Variants in SCN1A observed in about 807,000 individuals in gnomAD.
SCN1A encodes sodium voltage-gated channel alpha subunit 1.
Under a neutral mutation model 193.7 loss-of-function variants are expected in SCN1A, and 13 were observed. That is an observed-to-expected ratio of 0.07 (90% CI 0.04 to 0.11). The LOEUF (loss-of-function observed/expected upper bound fraction) is 0.11. SCN1A is among the 10% of genes least tolerant of loss of function. The pLI, the probability that SCN1A is intolerant of heterozygous loss-of-function variation, is 1.00. For missense variants in SCN1A, 1,432 were observed against 2,451.1 expected, an observed-to-expected ratio of 0.58 and a Z score of 8.78; for synonymous variants, 781 against 843.6, an observed-to-expected ratio of 0.93 and a Z score of 1.29.
intron 1 of SCN1A, among the ~76,000 whole-genome samples, chr2:166,147,059 C>T (rs6714313): frequency 0.81 from 122,855 of 152,110 alleles, 50,226 homozygotes; most frequent in African/African-American, 0.94. Context: ...GAAAGGCTTA[C>T]ACAAACACAG....
At chr2:166,033,378 C>T (rs1695886418) in intron 19 of SCN1A, among the ~76,000 whole-genome samples, 1 of 152,132 alleles carries the variant, frequency 6.6e-6, no homozygotes, top group Non-Finnish European at 1.5e-5. Context: ...TTTACCAGGA[C>T]TTCTCCCTCT....
At chr2:166,143,889 G>T (rs1444028130) in intron 1 of SCN1A, among the ~76,000 whole-genome samples, 1 of 152,182 alleles carries the variant, frequency 6.6e-6, no homozygotes, top group Non-Finnish European at 1.5e-5. Context: ...TAAGACTAAA[G>T]AGGGAAGTGA....
chr2:166,026,239 T>A (rs1027648272), intron 19 of SCN1A, among the ~76,000 whole-genome samples: 6 of 152,176 alleles, frequency 3.9e-5, no homozygotes, highest in Admixed American at 6.5e-5. Flanking sequence ...ATCTATTTTT[T>A]AAAATATTTT....
Position 166,073,489 on chromosome 2 carries a change from C to T in SCN1A, c.133G>A (p.Asp45Asn), listed in dbSNP as rs531894715. 5.6e-6 allele frequency: 9 copies of T among 1,614,004 alleles called. No individual in the cohort carries two copies. Among genetic ancestry groups the T allele is most frequent in the African/African-American group, 1.3e-5 (1 of 74,916 alleles). The change falls in exon 4 of 29, where the codon GAC becomes AAC. Residue 45 changes from aspartate to asparagine, a missense_variant. Asp to Asn is a conservative substitution (Grantham distance 23). This residue lies in a region of SCN1A where 55 missense variants were observed against 58.4 expected (regional missense o/e 0.94). Transcript: ENST00000674923. ...CTATTTGGCTTTGGGCCATTTTCGT[C>T]GTCATCTTTTTTGTCTGGTTTGGGA... ...KNPKPDKKDD[D>N]ENGPKPNSDL...
chr2:166,134,556 T>C (rs1158748312), intron 1 of SCN1A, among the ~76,000 whole-genome samples: 1 of 152,154 alleles, frequency 6.6e-6, no homozygotes, highest in Non-Finnish European at 1.5e-5. Flanking sequence ...GGTTCTTAAA[T>C]ATTAACCACA....
intron 22 of SCN1A, 40 bp from the exon 23 acceptor site, chr2:166,009,881 A>G: frequency 3.8e-6 from 6 of 1,589,328 alleles, no homozygotes; most frequent in Non-Finnish European, 5.2e-6. Flanking sequence ...AAACAGAATC[A>G]TCATTCAATG....
At chr2:166,089,439 A>G (rs1223908367) in intron 2 of SCN1A, among the ~76,000 whole-genome samples, 2 of 152,106 alleles carry the variant, frequency 1.3e-5, no homozygotes, top group East Asian at 3.9e-4. Flanking sequence ...TTAAAAGACA[A>G]GTATCTCTGG....
At chr2:166,029,602 G>T (rs7595154) in intron 19 of SCN1A, among the ~76,000 whole-genome samples, 112,207 of 152,050 alleles carry the variant, frequency 0.74, 41,781 homozygotes, top group East Asian at 0.89. Flanking sequence ...GCAACAAGTA[G>T]ATTTAAAATG....
chr2:166,039,468 T>A lies in SCN1A; in HGVS notation c.2544A>T (p.Gly848=), dbSNP rs1343457352. 1 of 1,612,458 alleles carries A rather than the reference T, an allele frequency of 6.2e-7. No homozygotes were observed. The highest frequency in any genetic ancestry group is 8.5e-7 in the Non-Finnish European group (1 of 1,179,762). ...FIVTLSLVEL[G]LANVEGLSVL... ...CAGATAATCCTTCCACATTGGCGAGTCCAAGTTCTACCAGGCTAAGCGTCA... is the reference window on the plus strand; with the variant it reads ...CAGATAATCCTTCCACATTGGCGAGACCAAGTTCTACCAGGCTAAGCGTCA... The change falls in exon 17 of 29, where the codon GGA becomes GGT. Residue 848 remains glycine, a synonymous_variant. Transcript: ENST00000674923.
chr2:166,099,930 A>C (rs1365693925), intron 2 of SCN1A, among the ~76,000 whole-genome samples: 1 of 118,102 alleles, frequency 8.5e-6, no homozygotes, highest in East Asian at 2.4e-4. Flanking sequence ...GAAAATGGCC[A>C]TACTGCCCAA....
rs1199637921 is a variant in SCN1A at position 166,036,519 on chromosome 2, G to C, written c.2958C>G (p.Leu986=). The C allele has an allele frequency of 6.2e-7, 1 of 1,613,580 alleles. No individual in the cohort carries two copies. Among genetic ancestry groups the C allele is most frequent in the Non-Finnish European group, 8.5e-7 (1 of 1,179,756 alleles). ...ATGAGCTCAGAAGCAAGGCCAGAAA[G>C]AGATTCAGGACCTTAAAAACAACAA... ...MVIGNLVVLN[L]FLALLLSSFS... is the part of the protein sequence containing the mutation. Residue 986 remains leucine, a synonymous_variant, in exon 19 of 29, where the codon CTC becomes CTG. Transcript: ENST00000674923.
At chr2:166,062,564 G>T (rs2105933764) in intron 4 of SCN1A, among the ~76,000 whole-genome samples, 1 of 152,216 alleles carries the variant, frequency 6.6e-6, no homozygotes, top group African/African-American at 2.4e-5. Context: ...GGAGGGAAGA[G>T]TCTGAAGGAA....
rs376749580 is a variant in SCN1A, at chr2:166,026,845, G to A, written c.3429+9203C>T. On this transcript the variant is annotated intron_variant, in intron 19 of 28. Transcript: ENST00000674923. ...ACTACAGGTGCCCACCACTGCACCC[G>A]GCTAATTTTTTGTATTTTTAGTAGA... 1.8e-4 allele frequency among the ~76,000 whole-genome samples: 27 copies of A among 151,582 alleles called. No homozygotes were observed. The East Asian group carries it at 3.7e-3, about 21-fold the overall frequency.
chr2:166,055,908 C>G (rs969677177), intron 6 of SCN1A, among the ~76,000 whole-genome samples: 13 of 151,940 alleles, frequency 8.6e-5, no homozygotes, highest in African/African-American at 3.1e-4. Context: ...GTTCTACAAC[C>G]CTGAAACTTT....
intron 1 of SCN1A, among the ~76,000 whole-genome samples, chr2:166,145,933 GGA>G (rs1468496857): frequency 6.6e-6 from 1 of 152,086 alleles, no homozygotes; most frequent in Non-Finnish European, 1.5e-5. Context: ...AGAAAAATTT[GGA>G]GTGTTCAGAT....
intron 11 of SCN1A, among the ~76,000 whole-genome samples, chr2:166,047,302 CTT>C (rs1307685116): frequency 6.6e-6 from 1 of 152,032 alleles, no homozygotes; most frequent in Non-Finnish European, 1.5e-5. Flanking sequence ...TCTATATCTG[CTT>C]TTTCATTTTC....
At chr2:166,066,429 A>G (rs1683849963) in intron 4 of SCN1A, among the ~76,000 whole-genome samples, 1 of 152,144 alleles carries the variant, frequency 6.6e-6, no homozygotes, top group Non-Finnish European at 1.5e-5. Context: ...TTATACTAAT[A>G]CCAATCTTAG....
At chr2:166,008,628 A>G (rs1378548441) in intron 23 of SCN1A, among the ~76,000 whole-genome samples, 2 of 151,148 alleles carry the variant, frequency 1.3e-5, no homozygotes, top group Admixed American at 6.6e-5. Flanking sequence ...AAGTTTTCAT[A>G]TATGTTAGGG....
At chr2:166,090,926 C>T (rs1020701932) in intron 2 of SCN1A, among the ~76,000 whole-genome samples, 3 of 152,140 alleles carry the variant, frequency 2.0e-5, no homozygotes, top group Non-Finnish European at 4.4e-5. Flanking sequence ...TAAAATAACA[C>T]GATTTACCCA....
Sources: gnomAD v4.1 joint callset for allele counts (sites outside exome capture counted in the v4.1 genomes callset) on GRCh38, gnomAD v4.1.1 for gene constraint, gnomAD v4.1.1 regional missense constraint, MANE v1.5 for transcripts, NCBI Gene and HGNC (gene_info 2026-07-23, HGNC 2026-07-21) for gene names.